COX6B1: variants seen among roughly 807,000 people sequenced by gnomAD.
The protein encoded by COX6B1 is COX VIb-1.
In COX6B1, 2 loss-of-function variants were observed where a neutral mutation model predicts 14.0. The ratio of observed to expected loss-of-function variants is 0.14; its 90% CI spans 0.06 to 0.45. The LOEUF is 0.45. Among genes scored for constraint, COX6B1 ranks in the 20% least tolerant of loss-of-function variants. The pLI is 0.98. For missense variants in COX6B1, 81 were observed against 114.2 expected (o/e 0.71, Z 1.33); for synonymous variants, 30 against 39.7 (o/e 0.76, Z 0.92).
chr19:35,650,616 C>T (rs1027501648), intron 1 of COX6B1, among the ~76,000 whole-genome samples: 4 of 151,564 alleles, frequency 2.6e-5, no homozygotes, highest in Admixed American at 2.6e-4. Context: ...GCTGAGGCAA[C>T]AGAATTGCTT....
chr19:35,651,487 C>CAGCAGG, intron 2 of COX6B1, 138 bp downstream of exon 2: 1 of 710,210 alleles, frequency 1.4e-6, no homozygotes, highest in Non-Finnish European at 2.6e-6. Flanking sequence ...TCATCACCTG[C>CAGCAGG]TGTTCAGGTC....
At chr19:35,655,755 G>GTCTCTCTCTCTCTCTCTC (rs3038413) in intron 3 of COX6B1, among the ~76,000 whole-genome samples, 152 of 146,064 alleles carry the variant, frequency 1.0e-3, no homozygotes, top group African/African-American at 3.4e-3. Context: ...CACTGTGCCT[G>GTCTCTCTCTCTCTCTCTC]TCTCTCTCTC....
chr19:35,656,542 G>A (rs1043952000), intron 3 of COX6B1, among the ~76,000 whole-genome samples: 13 of 147,306 alleles, frequency 8.8e-5, no homozygotes, highest in Middle Eastern at 6.9e-3. Flanking sequence ...GTGCAGTGGT[G>A]CAATCTCAGC....
intron 3 of COX6B1, among the ~76,000 whole-genome samples, chr19:35,655,004 AT>A (rs984356752): frequency 8.8e-5 from 12 of 135,634 alleles, no homozygotes; most frequent in South Asian, 4.7e-4. Flanking sequence ...TATTAGGAAC[AT>A]TTTTTTTTCT....
chr19:35,649,364 G>T (rs1470179762), intron 1 of COX6B1, among the ~76,000 whole-genome samples: 1 of 152,034 alleles, frequency 6.6e-6, no homozygotes, highest in Non-Finnish European at 1.5e-5. Flanking sequence ...GTGTCACCCA[G>T]GCTGGCGTGC....
In COX6B1 at chr19:35,651,224, C is replaced by G. The variant is rs767516700; in HGVS notation, c.-11-9C>G. 6.3e-7 allele frequency: 1 copy of G among 1,599,866 alleles called. No homozygotes were observed. The highest frequency in any genetic ancestry group is 1.1e-5 in the South Asian group (1 of 90,768). On this transcript the variant is annotated splice_polypyrimidine_tract_variant and intron_variant, in intron 1 of 3. Coordinates refer to ENST00000649813, the MANE Select transcript of COX6B1 (RefSeq NM_001863.5). ...GGCCCCTGCTGACACCCACTCCTTT[C>G]GCCTCCAGGATTCAGCACCATGGCG...
At position 35,651,360 on chromosome 19, in the gene COX6B1, C is replaced by A. The variant is rs771722602; in HGVS notation, c.106+11C>A. The A allele has an allele frequency of 1.9e-6, 3 of 1,604,748 alleles. No homozygotes were observed. The highest frequency in any genetic ancestry group is 2.6e-6 in the Non-Finnish European group (3 of 1,171,644). ...GGCAGAACTACCTGGGTAAGCAGGA[C>A]CTTTCCCTGGCCACATACCTCGAGT... On this transcript the variant is annotated intron_variant, in intron 2 of 3. Transcript: ENST00000649813.
At position 35,658,442 on chromosome 19, in the gene COX6B1, A is replaced by C. The variant is rs1484088583; in HGVS notation, c.208-152A>C. 26 of 694,348 alleles carry C rather than the reference A, an allele frequency of 3.7e-5. No individual in the cohort carries two copies. In the Admixed American group the frequency reaches 5.3e-4, roughly 14 times the overall value. 43.0% of individuals were successfully genotyped at this position (694,348 alleles called of 1,614,324 possible). A position where few individuals can be genotyped will look rare whatever the true frequency, so the allele number is the denominator to read the frequency against. ...ACAGTGATTTCTGTCTTTTGGGGTC[A>C]CTGCTGATTCCCCGGCCTCTAGAAT... On this transcript the variant is annotated intron_variant, in intron 3 of 3. Coordinates refer to ENST00000649813, the MANE Select transcript of COX6B1 (RefSeq NM_001863.5).
chr19:35,651,118 A>G, intron 1 of COX6B1, 115 bp from the exon 2 acceptor site: 1 of 727,592 alleles, frequency 1.4e-6, no homozygotes, highest in East Asian at 2.6e-5. Context: ...AGAGGCAGGA[A>G]CTTGTTCACA....
At chr19:35,653,198 C>T (rs1346107690) in intron 2 of COX6B1, among the ~76,000 whole-genome samples, 1 of 150,562 alleles carries the variant, frequency 6.6e-6, no homozygotes, top group Non-Finnish European at 1.5e-5. Context: ...TGGTCTTAAA[C>T]TCCTGACCTC....
intron 1 of COX6B1, among the ~76,000 whole-genome samples, chr19:35,649,812 G>T (rs919922083): frequency 2.6e-5 from 4 of 151,656 alleles, no homozygotes; most frequent in South Asian, 2.1e-4. Context: ...AGATGAGATG[G>T]GGTTTCACCA....
At chr19:35,650,299 G>A (rs1388551732) in intron 1 of COX6B1, among the ~76,000 whole-genome samples, 10 of 152,174 alleles carry the variant, frequency 6.6e-5, no homozygotes, top group East Asian at 3.8e-4. Flanking sequence ...CACCGCACCC[G>A]GCGAAAATTG....
At chr19:35,653,560 C>CTAGGTCCAGCCA (rs1348157454) in intron 2 of COX6B1, among the ~76,000 whole-genome samples, 3 of 149,890 alleles carry the variant, frequency 2.0e-5, no homozygotes, top group East Asian at 2.0e-4. Flanking sequence ...GCGTGAGCCA[C>CTAGGTCCAGCCA]CGTGCCTGGC....
chr19:35,653,258 C>T (rs1967849928), intron 2 of COX6B1, among the ~76,000 whole-genome samples: 1 of 151,266 alleles, frequency 6.6e-6, no homozygotes, highest in Admixed American at 6.6e-5. Flanking sequence ...CAGGTGTAAG[C>T]CACCATGCCT....
At chr19:35,653,688 C>T (rs1393616043) in intron 2 of COX6B1, among the ~76,000 whole-genome samples, 1 of 151,350 alleles carries the variant, frequency 6.6e-6, no homozygotes, top group Admixed American at 6.6e-5. Flanking sequence ...TCACACCATT[C>T]TCCTGCCTCA....
chr19:35,654,960 G>A (rs973842257), intron 3 of COX6B1, among the ~76,000 whole-genome samples: 1 of 151,674 alleles, frequency 6.6e-6, no homozygotes, highest in African/African-American at 2.4e-5. Flanking sequence ...CCATCCCTGT[G>A]TAGCTCACAA....
At chr19:35,656,164 T>G (rs1336792001) in intron 3 of COX6B1, among the ~76,000 whole-genome samples, 1 of 152,206 alleles carries the variant, frequency 6.6e-6, no homozygotes, top group Middle Eastern at 3.2e-3. Flanking sequence ...ACCCTTTAAC[T>G]TGGCAATTCC....
chr19:35,658,091 C>T (rs984606875), intron 3 of COX6B1, among the ~76,000 whole-genome samples: 4 of 152,136 alleles, frequency 2.6e-5, no homozygotes, highest in Non-Finnish European at 5.9e-5. Context: ...CACACCCAGC[C>T]TCCATCATTG....
intron 2 of COX6B1, among the ~76,000 whole-genome samples, chr19:35,652,898 A>T (rs1382612810): frequency 6.6e-6 from 1 of 151,876 alleles, no homozygotes; most frequent in Non-Finnish European, 1.5e-5. Flanking sequence ...TCCCGGGTTC[A>T]AGTGATTCTC....
Sources: allele counts gnomAD v4.1 joint callset (sites outside exome capture counted in the v4.1 genomes callset), GRCh38; gene constraint gnomAD v4.1.1; transcripts MANE v1.5; gene names NCBI Gene and HGNC (gene_info 2026-07-23, HGNC 2026-07-21).